CLTC: variants seen among roughly 807,000 people sequenced by gnomAD.
The protein encoded by CLTC is clathrin heavy chain.
Under a neutral mutation model 195.8 loss-of-function variants are expected in CLTC, and 16 were observed. The observed-to-expected ratio is 0.08, with a 90% CI of 0.06 to 0.12. The LOEUF (loss-of-function observed/expected upper bound fraction) is 0.12, where lower values mean the gene tolerates loss of function less well. Ranked by LOEUF, CLTC falls within the 10% of genes least tolerant of loss-of-function variation. The pLI is 1.00. For synonymous variants in CLTC, 667 were observed against 689.4 expected (o/e 0.97, Z 0.51); for missense variants, 796 against 2,027.0 (o/e 0.39, Z 11.66).
chr17:59,675,808 G>A (rs2032953385), intron 16 of CLTC, among the ~76,000 whole-genome samples: 1 of 152,144 alleles, frequency 6.6e-6, no homozygotes, highest in African/African-American at 2.4e-5. Context: ...ATTATATTGT[G>A]AAAAGCTAGA....
In CLTC at chr17:59,681,997, T is replaced by C. The variant is rs552095831; in HGVS notation, c.3442+158T>C. ...AAAAAGAGGCTGTATTTTGTGAATTTGTAAGTTCACAAAACTTACAAGTGG... is the reference window on the plus strand; with the variant it reads ...AAAAAGAGGCTGTATTTTGTGAATTCGTAAGTTCACAAAACTTACAAGTGG... On this transcript the variant is annotated intron_variant, in intron 21 of 31. Coordinates refer to ENST00000269122, the MANE Select transcript of CLTC (RefSeq NM_004859.4). The surrounding 1 kb of genome is among the most constrained non-coding windows in gnomAD (Gnocchi z 5.0). Among the ~76,000 whole-genome samples, 4 of 152,374 alleles carry C rather than the reference T, an allele frequency of 2.6e-5. No homozygotes were observed. Among genetic ancestry groups the C allele is most frequent in the African/African-American group, 9.6e-5 (4 of 41,600 alleles).
intron 1 of CLTC, among the ~76,000 whole-genome samples, chr17:59,641,097 G>A (rs2143486065): frequency 7.0e-6 from 1 of 142,168 alleles, no homozygotes; most frequent in Non-Finnish European, 1.6e-5. Context: ...CCAGCCTGGT[G>A]ACAGAGCGAG....
At chr17:59,668,197 A>G (rs547810983) in intron 13 of CLTC, among the ~76,000 whole-genome samples, 1 of 152,292 alleles carries the variant, frequency 6.6e-6, no homozygotes, top group East Asian at 1.9e-4. Context: ...TTCTTCCCAA[A>G]TTATTTTGTA....
At chr17:59,687,758 A>G (rs942154470) in intron 30 of CLTC, among the ~76,000 whole-genome samples, 16 of 152,216 alleles carry the variant, frequency 1.1e-4, no homozygotes, top group Non-Finnish European at 1.6e-4. Context: ...GTAATAAGGC[A>G]TACCTCTGAA....
chr17:59,643,442 T>C (rs1256161916), intron 1 of CLTC, among the ~76,000 whole-genome samples: 1 of 152,206 alleles, frequency 6.6e-6, no homozygotes, highest in Non-Finnish European at 1.5e-5. Flanking sequence ...TTTAGTATTT[T>C]CTGAGTACAC....
At chr17:59,639,184 TG>T (rs2143480525) in intron 1 of CLTC, among the ~76,000 whole-genome samples, 1 of 152,290 alleles carries the variant, frequency 6.6e-6, no homozygotes, top group African/African-American at 2.4e-5. Flanking sequence ...GCCATTCTGT[TG>T]GAAAAGGGCG....
At chr17:59,653,201 T>A (rs1017414781) in intron 5 of CLTC, among the ~76,000 whole-genome samples, 2 of 149,514 alleles carry the variant, frequency 1.3e-5, no homozygotes, top group Non-Finnish European at 3.0e-5. Flanking sequence ...ATTTTATTTA[T>A]TTTTTTTTTT....
At chr17:59,633,933 G>A (rs2031793482) in intron 1 of CLTC, among the ~76,000 whole-genome samples, 1 of 152,052 alleles carries the variant, frequency 6.6e-6, no homozygotes, top group African/African-American at 2.4e-5. Flanking sequence ...TTTTGAGATG[G>A]GGTCTTGCTC....
At chr17:59,665,632 A>G (rs1177777415) in intron 10 of CLTC, among the ~76,000 whole-genome samples, 2 of 152,136 alleles carry the variant, frequency 1.3e-5, no homozygotes, top group Non-Finnish European at 1.5e-5. Flanking sequence ...TGAGGTCAGG[A>G]GTTTGAGACC....
chr17:59,676,271 G>C (rs1391724944), intron 16 of CLTC, among the ~76,000 whole-genome samples: 1 of 152,210 alleles, frequency 6.6e-6, no homozygotes. Flanking sequence ...TGTGCTCCTT[G>C]ATGGAGTGTT....
intron 5 of CLTC, among the ~76,000 whole-genome samples, chr17:59,652,374 C>T (rs2032348281): frequency 1.3e-5 from 2 of 152,160 alleles, no homozygotes; most frequent in Admixed American, 6.5e-5. Context: ...TCCAGATTCA[C>T]TTAAATTTAC....
intron 31 of CLTC, among the ~76,000 whole-genome samples, chr17:59,692,220 G>A (rs2033320148): frequency 6.6e-6 from 1 of 152,212 alleles, no homozygotes; most frequent in South Asian, 2.1e-4. Flanking sequence ...GGGAGGCTGA[G>A]GCAGGAGAAT....
chr17:59,635,439 A>T (rs2031833399), intron 1 of CLTC, among the ~76,000 whole-genome samples: 2 of 152,226 alleles, frequency 1.3e-5, no homozygotes, highest in Admixed American at 1.3e-4. Flanking sequence ...ATTCTTAACT[A>T]ATCAGATGTG....
chr17:59,673,399 T>A (rs924163836), intron 14 of CLTC, among the ~76,000 whole-genome samples: 9 of 152,206 alleles, frequency 5.9e-5, no homozygotes, highest in Non-Finnish European at 1.3e-4. Context: ...TTTGTTACTC[T>A]TGTTTTTTGG....
chr17:59,630,976 C>T (rs918437314), intron 1 of CLTC, among the ~76,000 whole-genome samples: 2 of 152,196 alleles, frequency 1.3e-5, no homozygotes, highest in African/African-American at 2.4e-5. Context: ...TGAGAGACCA[C>T]GAAACCGTTT....
At chr17:59,693,577 A>C in intron 31 of CLTC, 151 bp from the exon 32 acceptor site, 1 of 953,380 alleles carries the variant, frequency 1.0e-6, no homozygotes, top group Non-Finnish European at 1.5e-6. Flanking sequence ...TCATGCTAAA[A>C]TTGTAGCAAT....
At chr17:59,675,454 G>C (rs547835514) in intron 16 of CLTC, among the ~76,000 whole-genome samples, 1 of 152,182 alleles carries the variant, frequency 6.6e-6, no homozygotes, top group Non-Finnish European at 1.5e-5. Context: ...GAGGTGGTAT[G>C]CTAGTGGGAA....
At chr17:59,679,872 C>T (rs1349901658) in intron 18 of CLTC, among the ~76,000 whole-genome samples, 1 of 151,850 alleles carries the variant, frequency 6.6e-6, no homozygotes, top group African/African-American at 2.4e-5. Context: ...AGTTCGAGAC[C>T]AGCCTGGCCA....
intron 5 of CLTC, among the ~76,000 whole-genome samples, chr17:59,653,342 C>G (rs1048790304): frequency 6.6e-6 from 1 of 151,348 alleles, no homozygotes; most frequent in Non-Finnish European, 1.5e-5. Flanking sequence ...TACAGGCACC[C>G]ACCACCACCC....
Sources: gnomAD v4.1 joint callset for allele counts (sites outside exome capture counted in the v4.1 genomes callset) on GRCh38, gnomAD v4.1.1 for gene constraint, Gnocchi (gnomAD v3.1) non-coding constraint, MANE v1.5 for transcripts, NCBI Gene and HGNC (gene_info 2026-07-23, HGNC 2026-07-21) for gene names.